TEX36: variants seen among roughly 807,000 people sequenced by gnomAD.
TEX36 encodes testis expressed 36, also known as testis-expressed protein 36.
In TEX36, 12 loss-of-function variants were observed where a neutral mutation model predicts 13.6. The ratio of observed to expected loss-of-function variants is 0.88; its 90% CI spans 0.56 to 1.43. TEX36 has a LOEUF of 1.43. TEX36 is among the 40% of genes most tolerant of loss of function. The probability of loss-of-function intolerance (pLI) is 0.00; values close to 1 mark genes in which losing one functional copy is unlikely to be tolerated. For missense variants in TEX36, 224 were observed against 228.3 expected (o/e 0.98, Z 0.12); for synonymous variants, 93 against 83.0 (o/e 1.12, Z -0.65).
At chr10:125,603,999 C>T (rs551830180) in intron 3 of TEX36, among the ~76,000 whole-genome samples, 2 of 152,174 alleles carry the variant, frequency 1.3e-5, no homozygotes, top group South Asian at 2.1e-4. Flanking sequence ...CAGCCTCCCC[C>T]GGGACCCGAG....
At chr10:125,648,570 C>T (rs1846807155) in intron 3 of TEX36, among the ~76,000 whole-genome samples, 1 of 152,154 alleles carries the variant, frequency 6.6e-6, no homozygotes, top group South Asian at 2.1e-4. Context: ...AGCAGAAAAG[C>T]TGAAAATTCT....
At chr10:125,638,673 A>C (rs1313597318) in intron 3 of TEX36, among the ~76,000 whole-genome samples, 1 of 152,224 alleles carries the variant, frequency 6.6e-6, no homozygotes, top group East Asian at 1.9e-4. Flanking sequence ...GAGCTAAGCC[A>C]CCGTGCCCAG....
chr10:125,608,988 A>G (rs573111435), intron 3 of TEX36, among the ~76,000 whole-genome samples: 47 of 134,480 alleles, frequency 3.5e-4, no homozygotes, highest in East Asian at 1.2e-3. Flanking sequence ...AAAAAAAAAA[A>G]AAAGAAAGAA....
chr10:125,612,089 CTTTTT>C (rs1221864951), intron 3 of TEX36, among the ~76,000 whole-genome samples: 4 of 136,788 alleles, frequency 2.9e-5, no homozygotes, highest in Non-Finnish European at 6.3e-5. Flanking sequence ...TTTTCTTTTT[CTTTTT>C]TTTTTTTTTC....
At chr10:125,679,149 C>CG (rs1555009073) in intron 1 of TEX36, among the ~76,000 whole-genome samples, 1 of 142,750 alleles carries the variant, frequency 7.0e-6, no homozygotes, top group African/African-American at 2.9e-5. Context: ...CCCCCCCCGC[C>CG]CCCGCCAAGC....
Position 125,635,661 on chromosome 10 carries a change from A to G in TEX36, c.265-14016T>C, listed in dbSNP as rs1476774012. ...TGCCATCCTCCTGGCCTGAGAACCC[A>G]GCAACATCGCAGTGTCCACTCATGT... On this transcript the variant is annotated intron_variant, in intron 3 of 3. Transcript: ENST00000526819. Among the ~76,000 whole-genome samples the G allele has an allele frequency of 3.9e-5, 6 of 152,258 alleles. No homozygotes were observed. The South Asian group carries it at 8.3e-4, about 21-fold the overall frequency.
chr10:125,626,414 G>A (rs1337154029), intron 3 of TEX36, among the ~76,000 whole-genome samples: 1 of 152,170 alleles, frequency 6.6e-6, no homozygotes, highest in African/African-American at 2.4e-5. Context: ...TGCCTGCTGT[G>A]GTGCTGTGCT....
At chr10:125,600,320 T>C (rs1846130256) in intron 3 of TEX36, among the ~76,000 whole-genome samples, 1 of 149,842 alleles carries the variant, frequency 6.7e-6, no homozygotes, top group Admixed American at 6.7e-5. Flanking sequence ...GAGGAGGGAG[T>C]AGAGACTGGG....
At chr10:125,614,009 AT>A (rs1157328329) in intron 3 of TEX36, among the ~76,000 whole-genome samples, 1 of 152,054 alleles carries the variant, frequency 6.6e-6, no homozygotes, top group Non-Finnish European at 1.5e-5. Flanking sequence ...TGTGGTTTTG[AT>A]TTGCATTTCT....
At chr10:125,657,877 T>A (rs951238234) in intron 3 of TEX36, among the ~76,000 whole-genome samples, 6 of 152,212 alleles carry the variant, frequency 3.9e-5, no homozygotes, top group Non-Finnish European at 8.8e-5. Context: ...TATTAATTTT[T>A]ATACATACAG....
intron 3 of TEX36, among the ~76,000 whole-genome samples, chr10:125,615,578 A>G (rs1348779195): frequency 6.6e-6 from 1 of 151,596 alleles, no homozygotes; most frequent in Admixed American, 6.6e-5. Context: ...TATATGCTGG[A>G]TTACATTTAT....
chr10:125,612,537 A>G (rs981941528), intron 3 of TEX36, among the ~76,000 whole-genome samples: 2 of 152,100 alleles, frequency 1.3e-5, no homozygotes, highest in Admixed American at 6.6e-5. Context: ...ATATACACAC[A>G]TTACTATGTA....
chr10:125,662,814 G>C (rs1018937295), intron 1 of TEX36, among the ~76,000 whole-genome samples: 1 of 152,174 alleles, frequency 6.6e-6, no homozygotes, highest in African/African-American at 2.4e-5. Context: ...GGTGTGGGCA[G>C]TGAGGGCCAT....
chr10:125,627,322 A>G (rs1044398236), intron 3 of TEX36, among the ~76,000 whole-genome samples: 2 of 152,236 alleles, frequency 1.3e-5, no homozygotes, highest in African/African-American at 4.8e-5. Context: ...ATGAAAATAT[A>G]TCTTGGCTAT....
intron 3 of TEX36, among the ~76,000 whole-genome samples, chr10:125,589,698 C>G (rs1272272881): frequency 6.6e-6 from 1 of 152,076 alleles, no homozygotes; most frequent in East Asian, 1.9e-4. Context: ...TCTTTGCATT[C>G]CTGGGATAGT....
intron 3 of TEX36, among the ~76,000 whole-genome samples, chr10:125,584,814 A>G (rs1470148486): frequency 6.6e-6 from 1 of 152,190 alleles, no homozygotes; most frequent in Non-Finnish European, 1.5e-5. Flanking sequence ...AATGTGAGAA[A>G]ATACATTTCT....
intron 3 of TEX36, among the ~76,000 whole-genome samples, chr10:125,587,784 A>AT (rs1248252521): frequency 9.0e-5 from 12 of 132,706 alleles, no homozygotes; most frequent in African/African-American, 3.4e-4. Flanking sequence ...CTGTCTCAAA[A>AT]TTAAAAAAAA....
At chr10:125,576,898 G>T in intron 3 of TEX36, 1 of 1,536,050 alleles carries the variant, frequency 6.5e-7, no homozygotes, top group Non-Finnish European at 8.7e-7. Context: ...GGAAGATGTA[G>T]AACCATGAGT....
chr10:125,614,790 T>G (rs1846336466), intron 3 of TEX36, among the ~76,000 whole-genome samples: 3 of 152,218 alleles, frequency 2.0e-5, no homozygotes, highest in East Asian at 1.9e-4. Context: ...CATATGAACT[T>G]CAAAGTAGTT....
Sources: gnomAD v4.1 joint callset for allele counts (sites outside exome capture counted in the v4.1 genomes callset) on GRCh38, gnomAD v4.1.1 for gene constraint, MANE v1.5 for transcripts, NCBI Gene and HGNC (gene_info 2026-07-23, HGNC 2026-07-21) for gene names.